Variants in FAM237A observed in about 807,000 individuals in gnomAD.
FAM237A encodes family with sequence similarity 237 member A.
FAM237A carries 14 observed loss-of-function variants against 12.5 expected under a neutral mutation model. That is an observed-to-expected ratio of 1.12 (90% CI 0.74 to 1.75). The LOEUF is 1.75. Among genes scored for constraint, FAM237A ranks in the 40% most tolerant of loss-of-function variants. The probability of loss-of-function intolerance (pLI) is 0.00; values close to 1 mark genes in which losing one functional copy is unlikely to be tolerated. For missense variants in FAM237A, 240 were observed against 211.7 expected (o/e 1.13, Z -0.83); for synonymous variants, 85 against 77.5 (o/e 1.10, Z -0.51).
At chr2:206,647,754 G>T (rs943367772) in intron 2 of FAM237A, among the ~76,000 whole-genome samples, 1 of 151,784 alleles carries the variant, frequency 6.6e-6, no homozygotes, top group East Asian at 1.9e-4. Context: ...GTTAGTAAAG[G>T]CTTCAATGCA....
intron 2 of FAM237A, among the ~76,000 whole-genome samples, chr2:206,647,163 T>C (rs1699327432): frequency 6.6e-6 from 1 of 152,212 alleles, no homozygotes; most frequent in Non-Finnish European, 1.5e-5. Context: ...AATAACTGCG[T>C]AACCGTGAGC....
chr2:206,644,417 T>G lies in FAM237A; in HGVS notation c.181T>G (p.Trp61Gly). The G allele has an allele frequency of 1.2e-6, 2 of 1,613,916 alleles. No homozygotes were observed. The highest frequency in any genetic ancestry group is 1.7e-6 in the Non-Finnish European group (2 of 1,179,844). The change falls in exon 2 of 3, where the codon TGG (tryptophan) becomes GGG (glycine). Residue 61 changes from tryptophan (W) to glycine (G), a missense_variant. Transcript: ENST00000441223. ...ESSSVLLLEMWKPRVSNTVSG... is the reference protein window; with the variant it reads ...ESSSVLLLEMGKPRVSNTVSG... The stretch of plus-strand genomic sequence containing the variant: ...CTCCTCAGTGCTTCTCCTGGAAATG[T>G]GGAAACCTCGCGTTTCCAACACTGT...
chr2:206,643,506 G>C (rs1699279163), intron 1 of FAM237A: 1 of 152,084 alleles, frequency 6.6e-6, no homozygotes, highest in Non-Finnish European at 1.5e-5. Context: ...AGTTGAATGA[G>C]AGTCACGTTT....
At position 206,644,254 on chromosome 2, in the gene FAM237A, C is replaced by G; in HGVS notation, c.18C>G (p.Asn6Lys). 1 of 1,604,076 alleles carries G rather than the reference C, an allele frequency of 6.2e-7. No individual in the cohort carries two copies. The highest frequency in any genetic ancestry group is 1.7e-5 in the Admixed American group (1 of 59,344). MADPGNRGGIHRPLSF... is the reference protein window; with the variant it reads MADPGKRGGIHRPLSF... ...TTAGGGCCATGGCTGATCCTGGGAA[C>G]AGAGGAGGGATCCACCGCCCCTTGA... The change falls in exon 2 of 3, where the codon AAC (asparagine) becomes AAG (lysine). Residue 6 changes from asparagine to lysine, a missense_variant. Asn to Lys is a moderately conservative substitution (Grantham distance 94). Transcript: ENST00000441223.
intron 2 of FAM237A, among the ~76,000 whole-genome samples, chr2:206,648,099 A>G (rs910460051): frequency 6.6e-6 from 1 of 152,174 alleles, no homozygotes; most frequent in Non-Finnish European, 1.5e-5. Flanking sequence ...CACTCCAAGA[A>G]ATTTTCTAAG....
chr2:206,644,770 T>G (rs1400768844), intron 2 of FAM237A, 122 bp downstream of exon 2: 13 of 975,272 alleles, frequency 1.3e-5, no homozygotes, highest in Admixed American at 3.2e-5. Context: ...TCTCAAGAGG[T>G]GAACCCCAAG....
rs1699358152 is a variant in FAM237A at position 206,649,356 on chromosome 2, C to G, written c.*562C>G. Among the ~76,000 whole-genome samples, 1 of 152,138 alleles carries G rather than the reference C, an allele frequency of 6.6e-6. No individual in the cohort carries two copies. Among genetic ancestry groups the G allele is most frequent in the Admixed American group, 6.5e-5 (1 of 15,274 alleles). On this transcript the variant is annotated 3_prime_UTR_variant, in exon 3 of 3. Transcript: ENST00000441223. ...AATGAAAACAAAATTAATAAAAGCTCTGGACCCCAGGTAATGTTATTGGAG... is the reference window on the plus strand; with the variant it reads ...AATGAAAACAAAATTAATAAAAGCTGTGGACCCCAGGTAATGTTATTGGAG...
At chr2:206,643,816 T>C (rs535994091) in intron 1 of FAM237A, among the ~76,000 whole-genome samples, 4 of 152,320 alleles carry the variant, frequency 2.6e-5, no homozygotes, top group African/African-American at 7.2e-5. Context: ...AAATTCTTAA[T>C]TATATATAAG....
chr2:206,648,867 A>G lies in FAM237A; in HGVS notation c.*73A>G. On this transcript the variant is annotated 3_prime_UTR_variant, in exon 3 of 3. Transcript: ENST00000441223. ...ATAACATTTTTCTTAACTATTGATT[A>G]TTTATTTATTTTAAATGGTGGGAAT... The G allele has an allele frequency of 8.5e-7, 1 of 1,169,810 alleles. No individual in the cohort carries two copies. 72.5% of individuals were successfully genotyped at this position (1,169,810 alleles called of 1,614,324 possible).
At chr2:206,644,164 T>C (rs1258627023) in intron 1 of FAM237A, 63 bp from the exon 2 acceptor site, 1 of 1,404,100 alleles carries the variant, frequency 7.1e-7, no homozygotes, top group Non-Finnish European at 9.5e-7. Context: ...AAGGGCATAC[T>C]TATTTTCTTT....
intron 2 of FAM237A, among the ~76,000 whole-genome samples, chr2:206,645,358 T>C (rs1699304835): frequency 6.6e-6 from 1 of 152,116 alleles, no homozygotes; most frequent in South Asian, 2.1e-4. Context: ...AAGTCCCTTA[T>C]AGAATTAGAA....
chr2:206,644,662 G>C lies in FAM237A; in HGVS notation c.412+14G>C, dbSNP rs79593632. Reference sequence around the variant, plus strand: ...GGAGTAAACAAGGTGGTCAACCCCAGCTCCCATGTCTTTTGAAAGGGTCAA... The same window carrying C: ...GGAGTAAACAAGGTGGTCAACCCCACCTCCCATGTCTTTTGAAAGGGTCAA... On this transcript the variant is annotated intron_variant, in intron 2 of 2. Transcript: ENST00000441223. 1 of 1,535,506 alleles carries C rather than the reference G, an allele frequency of 6.5e-7. No homozygotes were observed.
At chr2:206,644,684 T>A in intron 2 of FAM237A, 36 bp downstream of exon 2, 6 of 1,502,834 alleles carry the variant, frequency 4.0e-6, no homozygotes, top group Non-Finnish European at 5.3e-6. Flanking sequence ...TTTGAAAGGG[T>A]CAATCAAGTA....
intron 2 of FAM237A, among the ~76,000 whole-genome samples, chr2:206,646,327 G>A (rs1160908740): frequency 6.6e-6 from 1 of 151,630 alleles, no homozygotes; most frequent in Non-Finnish European, 1.5e-5. Context: ...ATCATATTTA[G>A]CTGTCTTACT....
Position 206,644,434 on chromosome 2 carries a change from C to T in FAM237A, c.198C>T (p.Ser66=), listed in dbSNP as rs1455282138. ...LLLEMWKPRV[S]NTVSGFWDFM... ...TGGAAATGTGGAAACCTCGCGTTTC[C>T]AACACTGTTTCAGGCTTCTGGGATT... Residue 66 remains serine (S), a synonymous_variant, in exon 2 of 3, where the codon TCC becomes TCT. Coordinates refer to ENST00000441223, the MANE Select transcript of FAM237A (RefSeq NM_001102659.3). 7 of 1,613,876 alleles carry T rather than the reference C, an allele frequency of 4.3e-6. No homozygotes were observed. The South Asian group carries it at 7.7e-5, about 18-fold the overall frequency.
At position 206,648,709 on chromosome 2, in the gene FAM237A, T is replaced by C. The variant is rs1699348339; in HGVS notation, c.461T>C (p.Leu154Ser). The stretch of plus-strand genomic sequence containing the variant: ...ACCTCCTTCCTAAAGAAGAAAGAGT[T>C]GATTGAAGATTTGATAAGCATGCAT... ...LRTSFLKKKELIEDLISMHVR... is the reference protein window; with the variant it reads ...LRTSFLKKKESIEDLISMHVR... The change falls in exon 3 of 3, where the codon TTG becomes TCG. Residue 154 changes from leucine (L) to serine (S), a missense_variant. Physicochemically the swap from Leu to Ser is moderately radical, Grantham distance 145. Coordinates refer to ENST00000441223, the MANE Select transcript of FAM237A (RefSeq NM_001102659.3). 1.3e-6 allele frequency: 2 copies of C among 1,590,284 alleles called. No homozygotes were observed. The highest frequency in any genetic ancestry group is 1.7e-6 in the Non-Finnish European group (2 of 1,167,050).
Position 206,644,195 on chromosome 2 carries a change from G to C in FAM237A, c.-10-32G>C, listed in dbSNP as rs1191248935. 3.3e-6 allele frequency: 5 copies of C among 1,530,146 alleles called. No individual in the cohort carries two copies. In the South Asian group the frequency reaches 5.3e-5, roughly 16 times the overall value. 94.8% of individuals were successfully genotyped at this position (1,530,146 alleles called of 1,614,324 possible). A position where few individuals can be genotyped will look rare whatever the true frequency, so the allele number is the denominator to read the frequency against. On this transcript the variant is annotated intron_variant, in intron 1 of 2. Coordinates refer to ENST00000441223, the MANE Select transcript of FAM237A (RefSeq NM_001102659.3). ...TCTTTACTGAGCAGAGCACAAGCGG[G>C]GACTGATAAGAAATATTTCCATCCT... is the stretch of plus-strand genomic sequence containing the variant.
In FAM237A at chr2:206,642,961, A is replaced by C. The variant is rs996357254; in HGVS notation, c.-11+379A>C. Among the ~76,000 whole-genome samples, 4 of 152,244 alleles carry C rather than the reference A, an allele frequency of 2.6e-5. No homozygotes were observed. The highest frequency in any genetic ancestry group is 9.6e-5 in the African/African-American group (4 of 41,468). Reference sequence around the variant, plus strand: ...AAGGGACACAACAAATATGATTTCAAGTAGAGATAATGCATACATGATATG... The same window carrying C: ...AAGGGACACAACAAATATGATTTCACGTAGAGATAATGCATACATGATATG... On this transcript the variant is annotated intron_variant, in intron 1 of 2. Coordinates refer to ENST00000441223, the MANE Select transcript of FAM237A (RefSeq NM_001102659.3). This position sits in a 1 kb window ranked among gnomAD's most constrained non-coding sequence, Gnocchi z 5.1.
At chr2:206,645,062 T>C (rs1287438484) in intron 2 of FAM237A, among the ~76,000 whole-genome samples, 2 of 152,224 alleles carry the variant, frequency 1.3e-5, no homozygotes, top group East Asian at 3.8e-4. Flanking sequence ...TTAGGAAACA[T>C]TTGCAGCACA....
Sources: allele counts gnomAD v4.1 joint callset (sites outside exome capture counted in the v4.1 genomes callset), GRCh38; gene constraint gnomAD v4.1.1; non-coding constraint Gnocchi (gnomAD v3.1); transcripts MANE v1.5; gene names NCBI Gene and HGNC (gene_info 2026-07-23, HGNC 2026-07-21).